The following PPARGC1A variants were observed in gnomAD, a reference collection of about 807,000 sequenced individuals.
PPARGC1A encodes PPARG coactivator 1 alpha, also known as peroxisome proliferator-activated receptor gamma coactivator 1-alpha.
Under a neutral mutation model 88.7 loss-of-function variants are expected in PPARGC1A, and 25 were observed. The observed-to-expected ratio is 0.28, with a 90% CI of 0.21 to 0.39. The LOEUF is 0.39. Among genes scored for constraint, PPARGC1A ranks in the 10% least tolerant of loss-of-function variants. The pLI, the probability that PPARGC1A is intolerant of heterozygous loss-of-function variation, is 1.00. For synonymous variants in PPARGC1A, 363 were observed against 355.6 expected (o/e 1.02, Z -0.24); for missense variants, 880 against 968.7 (o/e 0.91, Z 1.22).
At chr4:24,063,226 TTGG>T in the PPARGC1A span, among the ~76,000 whole-genome samples, 2 of 152,160 alleles carry the variant, frequency 1.3e-5, no homozygotes, top group Non-Finnish European at 2.9e-5. Flanking sequence ...GCAGATTTAA[TTGG>T]TGAAGTTGGC....
the PPARGC1A span, among the ~76,000 whole-genome samples, chr4:24,099,287 C>CAAAAA: frequency 4.6e-4 from 31 of 66,956 alleles, 1 homozygote; most frequent in African/African-American, 1.4e-3. Context: ...CTCCCTCCTG[C>CAAAAA]AAAAAAAAAA....
chr4:23,814,583 A>G lies in PPARGC1A; in HGVS notation c.900T>C (p.Pro300=). 6.3e-7 allele frequency: 1 copy of G among 1,592,600 alleles called. No individual in the cohort carries two copies. The change falls in exon 8 of 13, where the codon CCT becomes CCC. Residue 300 remains proline (P), a synonymous_variant. Transcript: ENST00000264867. The stretch of plus-strand genomic sequence containing the variant: ...GGTTATCTTGGTTGGCTTTATGAGG[A>G]GGAGTGGTGGGTGGAGTTAGGCCTA... The part of the protein sequence containing the change: ...GTAGLTPPTT[P]PHKANQDNPF...
the PPARGC1A span, among the ~76,000 whole-genome samples, chr4:24,387,846 G>A: frequency 5.4e-3 from 659 of 121,156 alleles, 18 homozygotes; most frequent in African/African-American, 0.012. Flanking sequence ...GAAAGAGAGA[G>A]AGAAAGAGAG....
At chr4:24,315,268 A>T in the PPARGC1A span, among the ~76,000 whole-genome samples, 5,028 of 152,284 alleles carry the variant, frequency 0.033, 313 homozygotes, top group African/African-American at 0.12. Context: ...AAGAATGTTA[A>T]GATGGATTCA....
chr4:24,419,381 G>A, the PPARGC1A span, among the ~76,000 whole-genome samples: 6 of 126,822 alleles, frequency 4.7e-5, no homozygotes, highest in Non-Finnish European at 1.7e-5. Flanking sequence ...GTGTGTGTGT[G>A]TCTTATGCAA....
chr4:24,024,555 G>A, the PPARGC1A span, among the ~76,000 whole-genome samples: 1 of 152,076 alleles, frequency 6.6e-6, no homozygotes, highest in Non-Finnish European at 1.5e-5. Flanking sequence ...GCCCATACCT[G>A]GTGTGAGAGT....
the PPARGC1A span, among the ~76,000 whole-genome samples, chr4:24,368,857 A>C: frequency 6.6e-6 from 1 of 152,108 alleles, no homozygotes; most frequent in Non-Finnish European, 1.5e-5. Context: ...AACGGGAGGG[A>C]GATGGCAATT....
the PPARGC1A span, among the ~76,000 whole-genome samples, chr4:24,306,499 C>A: frequency 6.6e-6 from 1 of 152,194 alleles, no homozygotes; most frequent in Non-Finnish European, 1.5e-5. Flanking sequence ...AGACCTTGGA[C>A]AGCATAGTGA....
chr4:23,958,211 TTTAC>T, the PPARGC1A span, among the ~76,000 whole-genome samples: 7 of 152,144 alleles, frequency 4.6e-5, no homozygotes, highest in Non-Finnish European at 7.4e-5. Flanking sequence ...TAATCATCAT[TTTAC>T]TTACTTTTCA....
the PPARGC1A span, among the ~76,000 whole-genome samples, chr4:23,946,813 CACACACACACACACAT>C: frequency 1.3e-5 from 2 of 149,946 alleles, no homozygotes; most frequent in African/African-American, 2.4e-5. Flanking sequence ...AATATATGTA[CACACACACACACACAT>C]ACACACACAC....
chr4:24,451,899 A>G, the PPARGC1A span, among the ~76,000 whole-genome samples: 2 of 152,114 alleles, frequency 1.3e-5, no homozygotes, highest in Admixed American at 6.5e-5. Context: ...TTATGTGTCA[A>G]TTTGACTGGG....
At chr4:24,289,742 T>C in the PPARGC1A span, among the ~76,000 whole-genome samples, 1 of 152,200 alleles carries the variant, frequency 6.6e-6, no homozygotes. Flanking sequence ...TCATTTCTTA[T>C]TCTGCTAAAC....
At chr4:24,411,205 GA>G in the PPARGC1A span, among the ~76,000 whole-genome samples, 1 of 152,094 alleles carries the variant, frequency 6.6e-6, no homozygotes, top group Non-Finnish European at 1.5e-5. Context: ...TCTTCCTCAG[GA>G]CACCCCAGGA....
chr4:24,388,226 GA>G, the PPARGC1A span, among the ~76,000 whole-genome samples: 11 of 151,486 alleles, frequency 7.3e-5, no homozygotes, highest in African/African-American at 2.7e-4. Flanking sequence ...ACAAACATAT[GA>G]AAAAAAGCTC....
the PPARGC1A span, among the ~76,000 whole-genome samples, chr4:24,085,572 G>A: frequency 1.4e-4 from 22 of 152,318 alleles, no homozygotes; most frequent in African/African-American, 5.3e-4. Context: ...CCTCTATTGA[G>A]AGCTGTGGAG....
chr4:24,027,090 C>A, the PPARGC1A span, among the ~76,000 whole-genome samples: 1 of 152,038 alleles, frequency 6.6e-6, no homozygotes, highest in African/African-American at 2.4e-5. Context: ...AAAGGACTTT[C>A]AAGAGGCTCT....
upstream of PPARGC1A, chr4:23,890,198 C>A: frequency 1.6e-6 from 1 of 638,406 alleles, no homozygotes; most frequent in Non-Finnish European, 2.2e-6. Flanking sequence ...CAGCCCTCTG[C>A]TTCAGTGAAG....
the PPARGC1A span, among the ~76,000 whole-genome samples, chr4:24,017,525 G>A: frequency 1.4e-3 from 206 of 152,126 alleles, 1 homozygote; most frequent in African/African-American, 4.0e-3. Flanking sequence ...GAGAGATAGC[G>A]CACATACAGA....
At chr4:24,367,038 AC>A in the PPARGC1A span, among the ~76,000 whole-genome samples, 1 of 152,228 alleles carries the variant, frequency 6.6e-6, no homozygotes, top group Non-Finnish European at 1.5e-5. Context: ...TCTGGTGTGT[AC>A]GTTCAAAATA....
Sources: gnomAD v4.1 joint callset for allele counts (sites outside exome capture counted in the v4.1 genomes callset) on GRCh38, gnomAD v4.1.1 for gene constraint, MANE v1.5 for transcripts, NCBI Gene and HGNC (gene_info 2026-07-23, HGNC 2026-07-21) for gene names.